The following STXBP4 variants were observed in gnomAD, a reference collection of about 807,000 sequenced individuals.
STXBP4 encodes the protein syntaxin binding protein 4.
A neutral mutation model predicts 76.1 loss-of-function variants in STXBP4; 55 were observed. The ratio of observed to expected loss-of-function variants is 0.72; its 90% CI spans 0.58 to 0.91. The LOEUF is 0.91. STXBP4 is among the 40% of genes least tolerant of loss of function. The pLI is 0.00. For synonymous variants in STXBP4, 201 were observed against 220.2 expected (o/e 0.91, Z 0.77); for missense variants, 618 against 636.9 (o/e 0.97, Z 0.32).
intron 8 of STXBP4, among the ~76,000 whole-genome samples, chr17:55,029,246 T>TTATG (rs1224311110): frequency 6.6e-6 from 1 of 152,034 alleles, no homozygotes; most frequent in Non-Finnish European, 1.5e-5. Flanking sequence ...CTCTTTAAGA[T>TTATG]TATGCTTTTG....
In STXBP4 at chr17:55,173,342, C is replaced by T. The variant is rs2080416493; in HGVS notation, c.*13431C>T. 1 of 152,190 alleles carries T rather than the reference C, an allele frequency of 6.6e-6. No homozygotes were observed. 9.4% of individuals were successfully genotyped at this position (152,190 alleles called of 1,614,324 possible). A position where few individuals can be genotyped will look rare whatever the true frequency, so the allele number is the denominator to read the frequency against. ...CTTTTATAACACACCCTTCCCCACC[C>T]CAACTCCTGGCAATTACTGCTCTAT... On this transcript the variant is annotated 3_prime_UTR_variant, in exon 18 of 18. Transcript: ENST00000376352.
At chr17:55,082,962 G>A (rs2079275653) in intron 16 of STXBP4, among the ~76,000 whole-genome samples, 1 of 149,532 alleles carries the variant, frequency 6.7e-6, no homozygotes, top group Non-Finnish European at 1.5e-5. Flanking sequence ...TTGCATGCAA[G>A]AAAGCATTTT....
chr17:55,153,269 A>C (rs1428976282), intron 17 of STXBP4, among the ~76,000 whole-genome samples: 1 of 152,198 alleles, frequency 6.6e-6, no homozygotes, highest in Non-Finnish European at 1.5e-5. Flanking sequence ...AAAACTGTAG[A>C]GGTTGATGGC....
At chr17:55,079,598 CAAAAAAAAA>C (rs5821084) in intron 15 of STXBP4, among the ~76,000 whole-genome samples, 4 of 114,312 alleles carry the variant, frequency 3.5e-5, no homozygotes, top group African/African-American at 1.3e-4. Flanking sequence ...CCTATCTCTA[CAAAAAAAAA>C]AAAAAAAAGA....
chr17:55,068,890 A>G (rs983624434), intron 12 of STXBP4, among the ~76,000 whole-genome samples: 3 of 152,084 alleles, frequency 2.0e-5, no homozygotes, highest in Non-Finnish European at 4.4e-5. Context: ...TTTTCATTCT[A>G]GATCATGTTA....
chr17:55,050,761 G>A (rs902050552), intron 12 of STXBP4, among the ~76,000 whole-genome samples: 4 of 152,076 alleles, frequency 2.6e-5, no homozygotes, highest in Non-Finnish European at 5.9e-5. Flanking sequence ...TCCACCTCCC[G>A]GGTACAAGCG....
intron 8 of STXBP4, among the ~76,000 whole-genome samples, chr17:55,012,023 T>G (rs2078124953): frequency 6.6e-6 from 1 of 152,176 alleles, no homozygotes; most frequent in Non-Finnish European, 1.5e-5. Flanking sequence ...GGGTCCGCGG[T>G]AGATCTTAGT....
intron 17 of STXBP4, among the ~76,000 whole-genome samples, chr17:55,149,966 A>G (rs1371791109): frequency 6.6e-6 from 1 of 152,190 alleles, no homozygotes; most frequent in Non-Finnish European, 1.5e-5. Context: ...TAACACAGGC[A>G]TGAGGCATGT....
intron 16 of STXBP4, among the ~76,000 whole-genome samples, chr17:55,140,815 C>G (rs552908653): frequency 6.6e-6 from 1 of 152,268 alleles, no homozygotes; most frequent in Non-Finnish European, 1.5e-5. Flanking sequence ...CTTTGCTAAA[C>G]TTTCAAACTT....
intron 12 of STXBP4, among the ~76,000 whole-genome samples, chr17:55,058,088 T>A (rs1379391595): frequency 2.0e-5 from 3 of 152,184 alleles, no homozygotes; most frequent in Admixed American, 1.3e-4. Flanking sequence ...GATTGCTGGG[T>A]CAAATGGTAT....
chr17:55,020,444 A>G lies in STXBP4; in HGVS notation c.667-10724A>G, dbSNP rs542777023. 2.5e-4 allele frequency among the ~76,000 whole-genome samples: 33 copies of G among 131,922 alleles called. No homozygotes were observed. The Admixed American group carries it at 2.6e-3, about 10-fold the overall frequency. 86.5% of individuals were successfully genotyped at this position (131,922 alleles called of 152,430 possible). A position where few individuals can be genotyped will look rare whatever the true frequency, so the allele number is the denominator to read the frequency against. On this transcript the variant is annotated intron_variant, in intron 8 of 17. Transcript: ENST00000376352. ...CAGTAGCTGCAGTCTTTGGCTGTCA[A>G]ATCTGTTTGTTTGTTTGTTTGTTTG...
At chr17:55,093,425 A>G (rs1447352512) in intron 16 of STXBP4, among the ~76,000 whole-genome samples, 2 of 152,232 alleles carry the variant, frequency 1.3e-5, no homozygotes, top group East Asian at 3.8e-4. Flanking sequence ...ATTAGATAAT[A>G]GCTTATTATA....
intron 16 of STXBP4, among the ~76,000 whole-genome samples, chr17:55,106,087 G>T (rs1209288346): frequency 2.0e-5 from 3 of 152,154 alleles, no homozygotes; most frequent in Non-Finnish European, 4.4e-5. Context: ...TTGTGTGGGA[G>T]TCTAAGTCTC....
intron 16 of STXBP4, among the ~76,000 whole-genome samples, chr17:55,093,758 C>T (rs1182753439): frequency 1.3e-5 from 2 of 152,084 alleles, no homozygotes; most frequent in African/African-American, 2.4e-5. Context: ...AAAAACATAT[C>T]GCTTAAGAAA....
rs924310576 is a variant in STXBP4 at position 55,082,068 on chromosome 17, A to G, written c.1489+885A>G. On this transcript the variant is annotated intron_variant, in intron 16 of 17. Transcript: ENST00000376352. ...ACTATACCTATAATTTATAAAAATCAACAATGTGCTAATGTACTGTAGAGG... is the reference window on the plus strand; with the variant it reads ...ACTATACCTATAATTTATAAAAATCGACAATGTGCTAATGTACTGTAGAGG... Among the ~76,000 whole-genome samples the G allele has an allele frequency of 7.2e-5, 11 of 152,024 alleles. No individual in the cohort carries two copies. In the East Asian group the frequency reaches 2.1e-3, roughly 29 times the overall value.
intron 1 of STXBP4, 62 bp downstream of exon 1, chr17:54,968,877 T>A: frequency 2.0e-6 from 1 of 502,842 alleles, no homozygotes; most frequent in East Asian, 3.2e-5. Flanking sequence ...GAACGTCTCT[T>A]AACATTTAGG....
intron 7 of STXBP4, among the ~76,000 whole-genome samples, chr17:55,004,459 T>C (rs1598188244): frequency 6.6e-6 from 1 of 152,184 alleles, no homozygotes; most frequent in East Asian, 1.9e-4. Flanking sequence ...CTCAGCACTT[T>C]GGAAGGTCGA....
chr17:54,990,664 C>G (rs575299745), intron 3 of STXBP4, among the ~76,000 whole-genome samples, 161 bp from the exon 4 acceptor site: 32 of 152,174 alleles, frequency 2.1e-4, no homozygotes, highest in African/African-American at 2.7e-4. Context: ...CCTCTCCCCC[C>G]ACCTTGGAAA....
downstream of STXBP4, among the ~76,000 whole-genome samples, chr17:55,175,900 G>A (rs1185165239): frequency 6.6e-6 from 1 of 152,208 alleles, no homozygotes; most frequent in Admixed American, 6.5e-5. Context: ...AAAGCATTCA[G>A]CAGGAGAGCC....
Sources: gnomAD v4.1 joint callset for allele counts (sites outside exome capture counted in the v4.1 genomes callset) on GRCh38, gnomAD v4.1.1 for gene constraint, MANE v1.5 for transcripts, NCBI Gene and HGNC (gene_info 2026-07-23, HGNC 2026-07-21) for gene names.